The following SLC30A8 variants were observed in gnomAD, a reference collection of about 807,000 sequenced individuals.
SLC30A8 encodes the protein proton-coupled zinc antiporter SLC30A8.
In SLC30A8, 27 loss-of-function variants were observed where a neutral mutation model predicts 36.9. The ratio of observed to expected loss-of-function variants is 0.73; its 90% CI spans 0.54 to 1.01. The LOEUF (loss-of-function observed/expected upper bound fraction) is 1.01, where lower values mean the gene tolerates loss of function less well. Ranked by LOEUF, SLC30A8 falls within the 50% of genes least tolerant of loss-of-function variation. The pLI is 0.00. For synonymous variants in SLC30A8, 164 were observed against 172.4 expected, an observed-to-expected ratio of 0.95 and a Z score of 0.38; for missense variants, 439 against 452.0, an observed-to-expected ratio of 0.97 and a Z score of 0.26.
At chr8:116,981,927 A>T (rs1229617486) in intron 1 of SLC30A8, among the ~76,000 whole-genome samples, 2 of 152,202 alleles carry the variant, frequency 1.3e-5, no homozygotes, top group South Asian at 2.1e-4. Flanking sequence ...CTTTGTGTAT[A>T]TACTCAGTAA....
At chr8:116,985,367 A>G (rs1032395365) in intron 1 of SLC30A8, among the ~76,000 whole-genome samples, 1 of 151,808 alleles carries the variant, frequency 6.6e-6, no homozygotes, top group African/African-American at 2.4e-5. Flanking sequence ...CCCAAAGGGG[A>G]CATTAGATGT....
Position 117,060,945 on chromosome 8 carries a change from GT to G in SLC30A8, c.-226+21696del, listed in dbSNP as rs201746609. ...ACATATTTCTCTATGCTTGTCTTCT[GT>G]TTTTTTTTCTTTCTCTACGTTTGAG... is the stretch of plus-strand genomic sequence containing the variant. On this transcript the variant is annotated intron_variant, in intron 2 of 10. Transcript: ENST00000427715. 1.4e-3 allele frequency among the ~76,000 whole-genome samples: 209 copies of G among 150,480 alleles called. 1 individual carries two copies. The highest frequency in any genetic ancestry group is 4.9e-3 in the African/African-American group (201 of 41,030).
intron 2 of SLC30A8, among the ~76,000 whole-genome samples, chr8:117,064,243 G>A (rs1381157830): frequency 6.6e-6 from 1 of 152,068 alleles, no homozygotes; most frequent in Non-Finnish European, 1.5e-5. Flanking sequence ...CTGCCCACCT[G>A]CCTCGGCCTC....
chr8:117,101,144 T>C (rs1339579434), intron 2 of SLC30A8, among the ~76,000 whole-genome samples: 1 of 152,160 alleles, frequency 6.6e-6, no homozygotes, highest in Non-Finnish European at 1.5e-5. Flanking sequence ...TCCCTTCCCC[T>C]ACCCATGAAC....
intron 2 of SLC30A8, among the ~76,000 whole-genome samples, chr8:117,073,177 G>A (rs1818382439): frequency 6.6e-6 from 1 of 151,870 alleles, no homozygotes; most frequent in Non-Finnish European, 1.5e-5. Context: ...ATGCTTGAGT[G>A]CACACTACTT....
chr8:117,140,779 T>C (rs1318070200), intron 1 of SLC30A8, among the ~76,000 whole-genome samples: 3 of 151,930 alleles, frequency 2.0e-5, no homozygotes, highest in Non-Finnish European at 2.9e-5. Context: ...AGAAAACAAA[T>C]GACACCAGAT....
chr8:117,112,032 G>A (rs1395455892), intron 2 of SLC30A8, among the ~76,000 whole-genome samples: 1 of 151,994 alleles, frequency 6.6e-6, no homozygotes, highest in East Asian at 1.9e-4. Context: ...GCAGCATCTG[G>A]GCTATGCGTC....
chr8:117,095,807 G>A (rs540821366), intron 2 of SLC30A8, among the ~76,000 whole-genome samples: 3 of 152,322 alleles, frequency 2.0e-5, no homozygotes, highest in South Asian at 4.1e-4. Flanking sequence ...TCAGCCTAGA[G>A]TTTAGTTAGA....
rs1822573990 is a variant in SLC30A8, at chr8:117,157,799, C to A, written c.527C>A (p.Thr176Asn). The change falls in exon 4 of 8, where the codon ACT becomes AAT. Residue 176 changes from threonine to asparagine, a missense_variant. By Grantham distance (65) the Thr-to-Asn change is moderately conservative. Transcript: ENST00000456015. ...TATCCTGATTACCAGATCCAGGCGA[C>A]TGTGATGATCATCGTTTCCAGCTGC... is the stretch of plus-strand genomic sequence containing the variant. ...LLYPDYQIQA[T>N]VMIIVSSCAV... 1 of 1,614,108 alleles carries A rather than the reference C, an allele frequency of 6.2e-7. No individual in the cohort carries two copies. The highest frequency in any genetic ancestry group is 1.7e-5 in the Admixed American group (1 of 60,020).
At chr8:117,042,173 A>G (rs1817406198) in intron 2 of SLC30A8, among the ~76,000 whole-genome samples, 1 of 152,220 alleles carries the variant, frequency 6.6e-6, no homozygotes, top group Non-Finnish European at 1.5e-5. Flanking sequence ...TATGACATTC[A>G]AAGACATTAT....
chr8:117,083,584 A>T (rs1363088895), intron 2 of SLC30A8, among the ~76,000 whole-genome samples: 1 of 152,158 alleles, frequency 6.6e-6, no homozygotes. Flanking sequence ...GGCAGATATC[A>T]ATTAGAGTTC....
At chr8:117,082,855 A>G (rs144949572) in intron 2 of SLC30A8, among the ~76,000 whole-genome samples, 1 of 152,202 alleles carries the variant, frequency 6.6e-6, no homozygotes, top group Non-Finnish European at 1.5e-5. Flanking sequence ...AGACAAGGAC[A>G]AGAGCTCAGG....
chr8:116,974,418 C>T (rs1414696123), intron 1 of SLC30A8, among the ~76,000 whole-genome samples: 1 of 152,136 alleles, frequency 6.6e-6, no homozygotes, highest in Non-Finnish European at 1.5e-5. Context: ...TTTATGCAGC[C>T]AACAGACACA....
chr8:117,070,394 C>T (rs905806620), intron 2 of SLC30A8, among the ~76,000 whole-genome samples: 8 of 152,152 alleles, frequency 5.3e-5, no homozygotes, highest in African/African-American at 1.9e-4. Context: ...GTACCTCAGA[C>T]GCTCCAGCAG....
At chr8:116,997,153 G>C (rs892891136) in intron 1 of SLC30A8, among the ~76,000 whole-genome samples, 4 of 152,066 alleles carry the variant, frequency 2.6e-5, no homozygotes, top group African/African-American at 7.2e-5. Flanking sequence ...GAAGACGAAG[G>C]GGGTGAAGCA....
At chr8:116,954,445 A>G (rs1437456607) in intron 1 of SLC30A8, among the ~76,000 whole-genome samples, 1 of 152,106 alleles carries the variant, frequency 6.6e-6, no homozygotes, top group Non-Finnish European at 1.5e-5. Context: ...AGAGGACCCT[A>G]CAAAGACGTC....
chr8:117,036,798 G>C (rs866709061), intron 1 of SLC30A8, among the ~76,000 whole-genome samples: 1 of 152,162 alleles, frequency 6.6e-6, no homozygotes, highest in African/African-American at 2.4e-5. Context: ...TGGGGACACA[G>C]AGCCAAACCA....
At chr8:116,974,502 A>G (rs1814909054) in intron 1 of SLC30A8, among the ~76,000 whole-genome samples, 1 of 152,232 alleles carries the variant, frequency 6.6e-6, no homozygotes, top group Non-Finnish European at 1.5e-5. Context: ...ATCTCACACC[A>G]GTTAGAATGA....
intron 1 of SLC30A8, among the ~76,000 whole-genome samples, chr8:117,004,531 A>G (rs561188529): frequency 5.9e-5 from 9 of 152,234 alleles, no homozygotes; most frequent in South Asian, 2.1e-4. Flanking sequence ...CCCTGTCTAT[A>G]TGGACAGACT....
Sources: gnomAD v4.1 joint callset for allele counts (sites outside exome capture counted in the v4.1 genomes callset) on GRCh38, gnomAD v4.1.1 for gene constraint, MANE v1.5 for transcripts, NCBI Gene and HGNC (gene_info 2026-07-23, HGNC 2026-07-21) for gene names.